The following CNTNAP2 variants were observed in gnomAD, a reference collection of about 807,000 sequenced individuals.
CNTNAP2 encodes contactin associated protein 2, also known as contactin-associated protein-like 2.
In CNTNAP2, 98 loss-of-function variants were observed where a neutral mutation model predicts 155.2. That is an observed-to-expected ratio of 0.63 (90% CI 0.54 to 0.75). The LOEUF (loss-of-function observed/expected upper bound fraction) is 0.75. Among genes scored for constraint, CNTNAP2 ranks in the 30% least tolerant of loss-of-function variants. The pLI is 0.00. For missense variants in CNTNAP2, 1,727 were observed against 1,688.1 expected, an observed-to-expected ratio of 1.02 and a Z score of -0.40; for synonymous variants, 651 against 631.2, an observed-to-expected ratio of 1.03 and a Z score of -0.47.
chr7:146,825,254 G>A (rs532411407), intron 2 of CNTNAP2, among the ~76,000 whole-genome samples: 111 of 152,172 alleles, frequency 7.3e-4, no homozygotes, highest in African/African-American at 2.6e-3. Context: ...TATCAAAACA[G>A]ATACGATAGT....
At chr7:147,371,902 A>G (rs1476382351) in intron 9 of CNTNAP2, among the ~76,000 whole-genome samples, 2 of 152,120 alleles carry the variant, frequency 1.3e-5, no homozygotes, top group African/African-American at 4.8e-5. Flanking sequence ...GAAATGGACA[A>G]TGGTATGTTG....
intron 1 of CNTNAP2, among the ~76,000 whole-genome samples, chr7:146,665,607 C>T (rs1465928172): frequency 6.6e-6 from 1 of 151,076 alleles, no homozygotes; most frequent in Non-Finnish European, 1.5e-5. Flanking sequence ...CATGGTGAAA[C>T]CCCATCTCTA....
At position 147,025,755 on chromosome 7, in the gene CNTNAP2, ATC is replaced by A. The variant is rs201733919; in HGVS notation, c.403-18145_403-18144del. Among the ~76,000 whole-genome samples, 76 of 152,046 alleles carry A rather than the reference ATC, an allele frequency of 5.0e-4. 1 individual carries two copies. In the East Asian group the frequency reaches 0.012, roughly 24 times the overall value. On this transcript the variant is annotated intron_variant, in intron 3 of 23. Coordinates refer to ENST00000361727, the MANE Select transcript of CNTNAP2 (RefSeq NM_014141.6). ...GATTATTATGTGATTTAAAGTTCCT[ATC>A]TCTCTCATTCTGTATGTGTGTGTAT...
chr7:148,348,324 G>A (rs190957890), intron 21 of CNTNAP2, among the ~76,000 whole-genome samples: 284 of 152,242 alleles, frequency 1.9e-3, no homozygotes, highest in Non-Finnish European at 2.9e-3. Flanking sequence ...TAAGCAAATC[G>A]TACATTTTCT....
intron 3 of CNTNAP2, among the ~76,000 whole-genome samples, chr7:146,990,915 G>A (rs1043960989): frequency 3.3e-5 from 5 of 152,028 alleles, no homozygotes; most frequent in African/African-American, 1.2e-4. Context: ...CTGGAGTGTC[G>A]TGCCATAGTC....
At chr7:147,060,212 G>C (rs1799637370) in intron 4 of CNTNAP2, among the ~76,000 whole-genome samples, 1 of 151,866 alleles carries the variant, frequency 6.6e-6, no homozygotes, top group South Asian at 2.1e-4. Context: ...TCCTTGAGGG[G>C]AACACAGTAC....
chr7:146,975,846 A>G (rs774120100), intron 3 of CNTNAP2, among the ~76,000 whole-genome samples: 1 of 152,172 alleles, frequency 6.6e-6, no homozygotes, highest in Non-Finnish European at 1.5e-5. Context: ...GTGTTTAAAG[A>G]CATATGGTAA....
intron 20 of CNTNAP2, among the ~76,000 whole-genome samples, chr7:148,242,992 T>C (rs755386700): frequency 1.3e-5 from 2 of 152,106 alleles, no homozygotes; most frequent in Non-Finnish European, 2.9e-5. Flanking sequence ...CCCCCCTTTG[T>C]GGGTAGAAGA....
intron 8 of CNTNAP2, among the ~76,000 whole-genome samples, chr7:147,178,951 A>C (rs1212829608): frequency 6.6e-6 from 1 of 152,118 alleles, no homozygotes; most frequent in African/African-American, 2.4e-5. Context: ...ACTCCAGATA[A>C]AGCAGGGGTC....
intron 15 of CNTNAP2, among the ~76,000 whole-genome samples, chr7:148,013,403 T>G (rs936031715): frequency 1.2e-4 from 18 of 152,228 alleles, no homozygotes; most frequent in Non-Finnish European, 5.9e-5. Context: ...AAAAATCTTG[T>G]GCTCACATCA....
intron 13 of CNTNAP2, among the ~76,000 whole-genome samples, chr7:147,680,033 A>G (rs60448751): frequency 0.059 from 8,992 of 151,762 alleles, 362 homozygotes; most frequent in Middle Eastern, 0.12. Context: ...CTTGCCTTAA[A>G]CTGTGATCTG....
intron 1 of CNTNAP2, among the ~76,000 whole-genome samples, chr7:146,443,534 G>A (rs1796358272): frequency 6.6e-6 from 1 of 152,080 alleles, no homozygotes; most frequent in African/African-American, 2.4e-5. Flanking sequence ...ACTGCTCCCA[G>A]TATTTGCATT....
At chr7:146,925,586 G>T (rs1334370639) in intron 3 of CNTNAP2, among the ~76,000 whole-genome samples, 1 of 152,006 alleles carries the variant, frequency 6.6e-6, no homozygotes, top group African/African-American at 2.4e-5. Flanking sequence ...GAGGGAGGAA[G>T]ATCCAGTAGT....
chr7:147,373,223 G>A (rs1338364078), intron 9 of CNTNAP2, among the ~76,000 whole-genome samples: 1 of 151,954 alleles, frequency 6.6e-6, no homozygotes, highest in Non-Finnish European at 1.5e-5. Context: ...AGAATTTCCC[G>A]TTTTAACCCA....
At chr7:148,041,185 C>T (rs1802668331) in intron 15 of CNTNAP2, among the ~76,000 whole-genome samples, 1 of 152,186 alleles carries the variant, frequency 6.6e-6, no homozygotes, top group Non-Finnish European at 1.5e-5. Flanking sequence ...CATTGCTATG[C>T]TTTCAGGCAA....
At chr7:146,471,049 A>G (rs1208708065) in intron 1 of CNTNAP2, among the ~76,000 whole-genome samples, 1 of 152,216 alleles carries the variant, frequency 6.6e-6, no homozygotes, top group Non-Finnish European at 1.5e-5. Context: ...AATAAAAAAT[A>G]CAATATTCAC....
At chr7:146,435,873 C>T (rs1796236203) in intron 1 of CNTNAP2, among the ~76,000 whole-genome samples, 2 of 152,138 alleles carry the variant, frequency 1.3e-5, no homozygotes, top group African/African-American at 4.8e-5. Flanking sequence ...AGCTTATCTG[C>T]AGTAGATTGC....
intron 1 of CNTNAP2, among the ~76,000 whole-genome samples, chr7:146,525,779 A>G (rs1276158264): frequency 2.0e-5 from 3 of 152,104 alleles, no homozygotes; most frequent in Non-Finnish European, 4.4e-5. Flanking sequence ...CTGCGGCACT[A>G]CTGGTTGTAG....
intron 1 of CNTNAP2, among the ~76,000 whole-genome samples, chr7:146,571,908 T>C (rs1163172222): frequency 1.3e-5 from 2 of 152,068 alleles, no homozygotes. Flanking sequence ...ATTTTTTGTA[T>C]TTTTAGTAGA....
Sources: gnomAD v4.1 joint callset for allele counts (sites outside exome capture counted in the v4.1 genomes callset) on GRCh38, gnomAD v4.1.1 for gene constraint, MANE v1.5 for transcripts, NCBI Gene and HGNC (gene_info 2026-07-23, HGNC 2026-07-21) for gene names.